The following DPYD variants were observed in gnomAD, a reference collection of about 807,000 sequenced individuals.
DPYD encodes the protein dihydropyrimidine dehydrogenase.
A neutral mutation model predicts 116.2 loss-of-function variants in DPYD; 109 were observed. The observed-to-expected ratio is 0.94, with a 90% CI of 0.80 to 1.10. The LOEUF (loss-of-function observed/expected upper bound fraction) is 1.10. Ranked by LOEUF, DPYD falls within the 50% of genes least tolerant of loss-of-function variation. The pLI, the probability that DPYD is intolerant of heterozygous loss-of-function variation, is 0.00. For synonymous variants in DPYD, 440 were observed against 432.0 expected, an observed-to-expected ratio of 1.02 and a Z score of -0.23; for missense variants, 1,302 against 1,254.5, an observed-to-expected ratio of 1.04 and a Z score of -0.57.
At chr1:97,200,141 T>C (rs1047900160) in intron 19 of DPYD, among the ~76,000 whole-genome samples, 1 of 152,174 alleles carries the variant, frequency 6.6e-6, no homozygotes, top group Admixed American at 6.5e-5. Context: ...TATTTTAAAA[T>C]ATAACAAAGT....
chr1:97,641,950 A>G (rs1019602439), intron 8 of DPYD, among the ~76,000 whole-genome samples: 2 of 152,208 alleles, frequency 1.3e-5, no homozygotes, highest in East Asian at 1.9e-4. Flanking sequence ...ATTCTTATAC[A>G]CCAATAACAG....
At chr1:97,158,793 C>T (rs980138296) in intron 20 of DPYD, among the ~76,000 whole-genome samples, 1 of 152,156 alleles carries the variant, frequency 6.6e-6, no homozygotes, top group Middle Eastern at 3.4e-3. Flanking sequence ...TGTATTCTAC[C>T]CAAATCACTG....
At chr1:97,513,179 A>AT (rs1553186804) in intron 13 of DPYD, among the ~76,000 whole-genome samples, 86 of 150,230 alleles carry the variant, frequency 5.7e-4, no homozygotes, top group African/African-American at 2.0e-3. Context: ...AAGAGTATAA[A>AT]ATATATATAT....
Position 97,464,590 on chromosome 1 carries a change from G to A in DPYD, c.1741-14367C>T, listed in dbSNP as rs1677207175. ...CAGCAACCCCAGCCATGACTAAAATGGGCCAAGGAACAGCTCAGGCTGTTG... is the reference window on the plus strand; with the variant it reads ...CAGCAACCCCAGCCATGACTAAAATAGGCCAAGGAACAGCTCAGGCTGTTG... On this transcript the variant is annotated intron_variant, in intron 13 of 22. Coordinates refer to ENST00000370192, the MANE Select transcript of DPYD (RefSeq NM_000110.4). Among the ~76,000 whole-genome samples, 3 of 152,142 alleles carry A rather than the reference G, an allele frequency of 2.0e-5. No individual in the cohort carries two copies. In the East Asian group the frequency reaches 5.8e-4, roughly 29 times the overall value.
chr1:97,665,133 AGGCACAAAC>A (rs1659487631), intron 8 of DPYD, among the ~76,000 whole-genome samples: 1 of 152,140 alleles, frequency 6.6e-6, no homozygotes, highest in African/African-American at 2.4e-5. Context: ...ATGGGAAAAA[AGGCACAAAC>A]ATAACATTGA....
chr1:97,304,957 G>A (rs1389951221), intron 18 of DPYD, among the ~76,000 whole-genome samples: 2 of 151,758 alleles, frequency 1.3e-5, no homozygotes, highest in African/African-American at 2.4e-5. Context: ...CTCTCAGAGG[G>A]CCCTCATATT....
chr1:97,764,093 T>C (rs982300267), intron 3 of DPYD, among the ~76,000 whole-genome samples: 1 of 151,464 alleles, frequency 6.6e-6, no homozygotes, highest in African/African-American at 2.4e-5. Flanking sequence ...AAAGACAAAG[T>C]TGATAAAGAG....
chr1:97,605,240 A>G (rs1655511619), intron 8 of DPYD, among the ~76,000 whole-genome samples: 1 of 152,058 alleles, frequency 6.6e-6, no homozygotes, highest in Non-Finnish European at 1.5e-5. Context: ...GTTCATATCG[A>G]TATGTGATAT....
At chr1:97,698,500 G>C (rs1661420307) in intron 6 of DPYD, among the ~76,000 whole-genome samples, 1 of 151,788 alleles carries the variant, frequency 6.6e-6, no homozygotes, top group Non-Finnish European at 1.5e-5. Context: ...TTTATCCTCT[G>C]TGATTATTGG....
At chr1:97,688,226 A>C (rs1660837851) in intron 7 of DPYD, among the ~76,000 whole-genome samples, 1 of 152,248 alleles carries the variant, frequency 6.6e-6, no homozygotes, top group African/African-American at 2.4e-5. Context: ...TTAATGAATA[A>C]GAAAACAAAA....
intron 4 of DPYD, among the ~76,000 whole-genome samples, chr1:97,738,364 A>C (rs562939484): frequency 8.9e-4 from 135 of 152,314 alleles, no homozygotes; most frequent in Non-Finnish European, 1.7e-3. Context: ...TGTACCTTTC[A>C]AAACTAGAGC....
At chr1:97,771,272 A>C (rs1041078779) in intron 3 of DPYD, among the ~76,000 whole-genome samples, 2 of 152,228 alleles carry the variant, frequency 1.3e-5, no homozygotes, top group Non-Finnish European at 2.9e-5. Flanking sequence ...AATTACAAAG[A>C]AAAAAGAAAA....
At chr1:97,660,759 A>T (rs1045644238) in intron 8 of DPYD, among the ~76,000 whole-genome samples, 1 of 152,172 alleles carries the variant, frequency 6.6e-6, no homozygotes, top group Non-Finnish European at 1.5e-5. Flanking sequence ...TCCACCTTAG[A>T]ACTTTTTCTG....
intron 12 of DPYD, among the ~76,000 whole-genome samples, chr1:97,521,598 C>G (rs1269416264): frequency 6.6e-6 from 1 of 152,020 alleles, no homozygotes; most frequent in East Asian, 1.9e-4. Context: ...CCTGTATAAC[C>G]AACACAATCC....
Position 97,593,272 on chromosome 1 carries a change from ACG to A in DPYD, c.1072_1073del (p.Arg358CysfsTer11), listed in dbSNP as rs1428534767. 1 of 1,614,150 alleles carries A rather than the reference ACG, an allele frequency of 6.2e-7. No individual in the cohort carries two copies. Among genetic ancestry groups the A allele is most frequent in the South Asian group, 1.1e-5 (1 of 91,084 alleles). ...AGCCTTTTCTGAAGACGATGAACAC[ACG>A]GCGAGCTCCACAACGTAGAGCAGAT... ...ATSALRCGAR[R>X]VFIVFRKGFV... is the part of the protein sequence containing the mutation. On this transcript the variant is annotated frameshift_variant, in exon 10 of 23. Transcript: ENST00000370192. LOFTEE classifies it high-confidence loss of function.
At chr1:97,618,603 C>G (rs1299828883) in intron 8 of DPYD, among the ~76,000 whole-genome samples, 1 of 152,134 alleles carries the variant, frequency 6.6e-6, no homozygotes, top group Non-Finnish European at 1.5e-5. Context: ...GTGGGCTTAT[C>G]TCATTACAGA....
At chr1:97,312,362 T>C (rs75454821) in intron 16 of DPYD, among the ~76,000 whole-genome samples, 5 of 151,748 alleles carry the variant, frequency 3.3e-5, no homozygotes, top group Non-Finnish European at 5.9e-5. Context: ...TGTGGTAATA[T>C]GTATAAAAAT....
At chr1:97,467,455 C>T (rs1053730454) in intron 13 of DPYD, among the ~76,000 whole-genome samples, 1 of 152,180 alleles carries the variant, frequency 6.6e-6, no homozygotes, top group African/African-American at 2.4e-5. Flanking sequence ...GTGAAACCTC[C>T]ATGTATTGAT....
chr1:97,088,523 G>C (rs879891412), intron 21 of DPYD, among the ~76,000 whole-genome samples: 8 of 152,102 alleles, frequency 5.3e-5, no homozygotes, highest in Non-Finnish European at 8.8e-5. Flanking sequence ...TCACTCCTCT[G>C]TCTTGCCTGT....
Sources: gnomAD v4.1 joint callset for allele counts (sites outside exome capture counted in the v4.1 genomes callset) on GRCh38, gnomAD v4.1.1 for gene constraint, MANE v1.5 for transcripts, NCBI Gene and HGNC (gene_info 2026-07-23, HGNC 2026-07-21) for gene names.